The following GRB10 variants were observed in gnomAD, a reference collection of about 807,000 sequenced individuals.
The protein encoded by GRB10 is growth factor receptor-bound protein 10.
GRB10 carries 20 observed loss-of-function variants against 80.9 expected under a neutral mutation model. The observed-to-expected ratio is 0.25, with a 90% CI of 0.17 to 0.36. The LOEUF (loss-of-function observed/expected upper bound fraction) is 0.36. Among genes scored for constraint, GRB10 ranks in the 10% least tolerant of loss-of-function variants. GRB10 has a pLI of 1.00. For missense variants in GRB10, 548 were observed against 747.7 expected (o/e 0.73, Z 3.12); for synonymous variants, 291 against 291.5 (o/e 1.00, Z 0.02).
At chr7:50,604,426 C>A in intron 15 of GRB10, 49 bp from the exon 16 acceptor site, 1 of 1,461,006 alleles carries the variant, frequency 6.8e-7, no homozygotes, top group Non-Finnish European at 9.6e-7. Flanking sequence ...ACAGACACAC[C>A]AAGTCACCCA....
At chr7:50,596,262 G>A (rs532225455) in intron 17 of GRB10, among the ~76,000 whole-genome samples, 1 of 152,288 alleles carries the variant, frequency 6.6e-6, no homozygotes, top group South Asian at 2.1e-4. Context: ...GGAGAAATCC[G>A]GCCGACAGCA....
chr7:50,776,233 A>C (rs867361890), intron 2 of GRB10, among the ~76,000 whole-genome samples: 27 of 152,222 alleles, frequency 1.8e-4, no homozygotes, highest in African/African-American at 5.5e-4. Flanking sequence ...TCTTTTTTGG[A>C]AACAGGGTCT....
In GRB10 at chr7:50,648,838, C is replaced by T. The variant is rs544305259; in HGVS notation, c.504+20884G>A. On this transcript the variant is annotated intron_variant, in intron 7 of 18. Transcript: ENST00000401949. ...TTGAGAGCAATCTTCTCAGCTCTCC[C>T]GCTCCACTAGGAGAGGACAAAGTAA... Among the ~76,000 whole-genome samples the T allele has an allele frequency of 1.2e-4, 18 of 152,260 alleles. No individual in the cohort carries two copies. In the South Asian group the frequency reaches 3.3e-3, roughly 28 times the overall value.
rs577078573 is a variant in GRB10, at chr7:50,663,638, C to G, written c.504+6084G>C. Among the ~76,000 whole-genome samples, 4 of 152,342 alleles carry G rather than the reference C, an allele frequency of 2.6e-5. No homozygotes were observed. The East Asian group carries it at 7.7e-4, about 29-fold the overall frequency. ...GGAGCCACGTGTCTAACTAACTGAG[C>G]CCTTCTCTCACAAGCAGCAGTGGCT... is the stretch of plus-strand genomic sequence containing the variant. On this transcript the variant is annotated intron_variant, in intron 7 of 18. Transcript: ENST00000401949.
chr7:50,726,449 T>C (rs567299905), intron 4 of GRB10, among the ~76,000 whole-genome samples: 1 of 152,046 alleles, frequency 6.6e-6, no homozygotes, highest in African/African-American at 2.4e-5. Flanking sequence ...ATAAATATAG[T>C]TGTTTATATT....
chr7:50,631,413 A>G (rs977152901), intron 7 of GRB10, among the ~76,000 whole-genome samples: 1 of 152,206 alleles, frequency 6.6e-6, no homozygotes, highest in African/African-American at 2.4e-5. Flanking sequence ...ACCTTCACAC[A>G]GAAACCGAGA....
chr7:50,721,908 A>G (rs922580920), intron 4 of GRB10, among the ~76,000 whole-genome samples: 4 of 152,242 alleles, frequency 2.6e-5, no homozygotes, highest in Admixed American at 1.3e-4. Flanking sequence ...GCTGAAGTCC[A>G]GGGAAATGGC....
intron 4 of GRB10, among the ~76,000 whole-genome samples, chr7:50,707,239 T>C (rs1215238680): frequency 2.0e-5 from 3 of 152,192 alleles, no homozygotes; most frequent in Admixed American, 6.5e-5. Context: ...TTTTGGAGGA[T>C]AGTAAAAGGA....
chr7:50,760,935 C>T (rs778721008), intron 2 of GRB10, among the ~76,000 whole-genome samples: 7 of 152,192 alleles, frequency 4.6e-5, no homozygotes, highest in Non-Finnish European at 1.0e-4. Flanking sequence ...CAACCTATTA[C>T]CTGTCAGAAT....
intron 4 of GRB10, among the ~76,000 whole-genome samples, chr7:50,710,576 T>C (rs1283914967): frequency 2.6e-5 from 4 of 151,976 alleles, no homozygotes; most frequent in Non-Finnish European, 5.9e-5. Context: ...AACACACGGA[T>C]GGAGGGGCAG....
intron 16 of GRB10, 81 bp from the exon 17 acceptor site, chr7:50,604,166 C>T: frequency 1.5e-6 from 2 of 1,334,882 alleles, no homozygotes; most frequent in Non-Finnish European, 2.2e-6. Flanking sequence ...CAACTCTGAT[C>T]AACTCAGAGC....
intron 2 of GRB10, among the ~76,000 whole-genome samples, chr7:50,764,594 C>A (rs889304497): frequency 3.9e-5 from 6 of 152,206 alleles, no homozygotes; most frequent in Non-Finnish European, 8.8e-5. Flanking sequence ...CTGTGGGAGG[C>A]AGCTGTGAAA....
intron 3 of GRB10, among the ~76,000 whole-genome samples, chr7:50,735,505 A>T (rs1399507383): frequency 6.6e-6 from 1 of 152,166 alleles, no homozygotes; most frequent in African/African-American, 2.4e-5. Flanking sequence ...AAAGGGGATG[A>T]TTTAGGTTTT....
At position 50,595,494 on chromosome 7, in the gene GRB10, CT is replaced by C; in HGVS notation, c.1580del (p.Lys527ArgfsTer31). ...FLLRDSQSNP[K>X]AFVLTLCHHQ... ...GATGACACAGTGTGAGTACAAATGC[CT>C]TTGGATTACTCTGGCTGTCACGGAG... On this transcript the variant is annotated frameshift_variant, in exon 18 of 19. Coordinates refer to ENST00000401949, the MANE Select transcript of GRB10 (RefSeq NM_001350814.2). LOFTEE classifies it high-confidence loss of function. 1 of 1,611,504 alleles carries C rather than the reference CT, an allele frequency of 6.2e-7. No individual in the cohort carries two copies. The highest frequency in any genetic ancestry group is 8.5e-7 in the Non-Finnish European group (1 of 1,177,816).
At chr7:50,616,172 C>T in intron 11 of GRB10, 38 bp downstream of exon 11, 1 of 1,613,836 alleles carries the variant, frequency 6.2e-7, no homozygotes, top group Non-Finnish European at 8.5e-7. Context: ...GTGACTGTGG[C>T]AGAATTAGGG....
intron 7 of GRB10, among the ~76,000 whole-genome samples, chr7:50,629,669 T>C (rs1002455786): frequency 6.6e-6 from 1 of 152,224 alleles, no homozygotes; most frequent in Non-Finnish European, 1.5e-5. Flanking sequence ...ATGAGAATGT[T>C]TGTAAGGAAC....
At chr7:50,786,893 C>T (rs1463308939), upstream of GRB10, among the ~76,000 whole-genome samples, 1 of 152,220 alleles carries the variant, frequency 6.6e-6, no homozygotes, top group Non-Finnish European at 1.5e-5. Flanking sequence ...CTGCTGAAAG[C>T]AGAAAGGCAC....
At chr7:50,676,344 G>GGGCGGGGGC (rs1563400843) in intron 5 of GRB10, among the ~76,000 whole-genome samples, 1 of 135,910 alleles carries the variant, frequency 7.4e-6, no homozygotes. Context: ...CCGGGGGGGG[G>GGGCGGGGGC]GGGGGGTTGT....
In GRB10 at chr7:50,780,728, C is replaced by T. The variant is rs2078192339; in HGVS notation, c.-318G>A. On this transcript the variant is annotated 5_prime_UTR_variant, in exon 2 of 19. Transcript: ENST00000401949. The stretch of plus-strand genomic sequence containing the variant: ...CTCCTGAGAATTATCAGAATGCAGC[C>T]TCCCAAGTCTGAAAGAAAGGTAAAA... The T allele has an allele frequency of 6.6e-6, 1 of 152,186 alleles. No homozygotes were observed. The highest frequency in any genetic ancestry group is 2.1e-4 in the South Asian group (1 of 4,822). 9.4% of individuals were successfully genotyped at this position (152,186 alleles called of 1,614,324 possible).
Sources: gnomAD v4.1 joint callset for allele counts (sites outside exome capture counted in the v4.1 genomes callset) on GRCh38, gnomAD v4.1.1 for gene constraint, MANE v1.5 for transcripts, NCBI Gene and HGNC (gene_info 2026-07-23, HGNC 2026-07-21) for gene names.